ADGRD1: variants seen among roughly 807,000 people sequenced by gnomAD.
ADGRD1 encodes the protein adhesion G protein-coupled receptor D1.
A neutral mutation model predicts 113.4 loss-of-function variants in ADGRD1; 77 were observed. That is an observed-to-expected ratio of 0.68 (90% CI 0.57 to 0.82). The LOEUF (loss-of-function observed/expected upper bound fraction) is 0.82. Ranked by LOEUF, ADGRD1 falls within the 40% of genes least tolerant of loss-of-function variation. The probability of loss-of-function intolerance (pLI) is 0.00; values close to 1 mark genes in which losing one functional copy is unlikely to be tolerated. For missense variants in ADGRD1, 1,036 were observed against 1,139.1 expected (o/e 0.91, Z 1.30); for synonymous variants, 474 against 475.0 (o/e 1.00, Z 0.03).
At chr12:131,089,968 A>G (rs1046459839) in intron 15 of ADGRD1, among the ~76,000 whole-genome samples, 3 of 152,186 alleles carry the variant, frequency 2.0e-5, no homozygotes, top group Non-Finnish European at 4.4e-5. Flanking sequence ...GCATGGCCAG[A>G]GAGAGGGGGA....
intron 14 of ADGRD1, among the ~76,000 whole-genome samples, chr12:131,082,666 T>G (rs2137199916): frequency 6.6e-6 from 1 of 152,288 alleles, no homozygotes; most frequent in Non-Finnish European, 1.5e-5. Context: ...TGGTTTTTGC[T>G]GACTCCCTCC....
chr12:131,048,457 G>A (rs182010158), intron 13 of ADGRD1, among the ~76,000 whole-genome samples: 336 of 152,290 alleles, frequency 2.2e-3, no homozygotes, highest in African/African-American at 7.5e-3. Flanking sequence ...ATGTGCAGAG[G>A]GGCCTGCCCA....
At chr12:130,977,569 G>A (rs1872476637) in intron 4 of ADGRD1, 1 of 152,268 alleles carries the variant, frequency 6.6e-6, no homozygotes. Flanking sequence ...GTGCCAGAAC[G>A]GCCATCAGAC....
intron 12 of ADGRD1, among the ~76,000 whole-genome samples, chr12:131,008,306 G>A (rs375390138): frequency 1.0e-3 from 153 of 152,344 alleles, no homozygotes; most frequent in African/African-American, 3.5e-3. Context: ...GTTTATGTGC[G>A]CACATATGCC....
chr12:130,981,639 T>G (rs768116155), intron 4 of ADGRD1, among the ~76,000 whole-genome samples: 9 of 152,146 alleles, frequency 5.9e-5, no homozygotes, highest in Non-Finnish European at 8.8e-5. Flanking sequence ...TGAAGCAGGA[T>G]TTTTGTACTT....
At chr12:131,123,539 A>T (rs1235328151) in intron 20 of ADGRD1, among the ~76,000 whole-genome samples, 1 of 149,556 alleles carries the variant, frequency 6.7e-6, no homozygotes, top group Non-Finnish European at 1.5e-5. Flanking sequence ...TTCCAGGTTC[A>T]GGCTGGGCGC....
intron 2 of ADGRD1, among the ~76,000 whole-genome samples, chr12:130,963,414 C>A (rs1384522410): frequency 6.6e-6 from 1 of 151,918 alleles, no homozygotes; most frequent in Non-Finnish European, 1.5e-5. Flanking sequence ...ATCTCGCACT[C>A]AGCTTTTCGA....
chr12:131,014,212 A>G lies in ADGRD1; in HGVS notation c.1345A>G (p.Met449Val), dbSNP rs772423397. Residue 449 changes from methionine (M) to valine (V), a missense_variant, in exon 13 of 25, where the codon ATG becomes GTG. Met to Val is a conservative substitution (Grantham distance 21). Transcript: ENST00000261654. ...TCTCTTCCCAAGGATCGCGGAGGCC[A>G]TGCATCACCAGGACTGCCTGCTGTT... is the stretch of plus-strand genomic sequence containing the variant. ...WPAHTKIAEA[M>V]HHQDCLLFAT... The G allele has an allele frequency of 3.1e-6, 5 of 1,613,954 alleles. No homozygotes were observed. In the African/African-American group the frequency reaches 5.3e-5, roughly 17 times the overall value.
At chr12:131,092,534 G>A (rs1198362583) in intron 15 of ADGRD1, among the ~76,000 whole-genome samples, 1 of 151,934 alleles carries the variant, frequency 6.6e-6, no homozygotes, top group African/African-American at 2.4e-5. Context: ...GCCACGGTGC[G>A]CTCTTTCTTC....
At position 131,076,848 on chromosome 12, in the gene ADGRD1, C is replaced by T. The variant is rs199839839; in HGVS notation, c.1521C>T (p.Phe507=). The change falls in exon 14 of 25, where the codon TTC becomes TTT. Residue 507 remains phenylalanine (F), a synonymous_variant. Coordinates refer to ENST00000261654, the MANE Select transcript of ADGRD1 (RefSeq NM_198827.5). ...CCACCAACAGCAGCAACCGAGTCTT[C>T]GTGTACTGCGCCTTCCTGGACTTCA... ...SEATNSSNRV[F]VYCAFLDFSS... 54 of 1,614,114 alleles carry T rather than the reference C, an allele frequency of 3.3e-5. No individual in the cohort carries two copies. The highest frequency in any genetic ancestry group is 6.7e-5 in the East Asian group (3 of 44,876).
At chr12:131,118,756 C>G (rs1398409418) in intron 19 of ADGRD1, among the ~76,000 whole-genome samples, 1 of 152,220 alleles carries the variant, frequency 6.6e-6, no homozygotes, top group African/African-American at 2.4e-5. Context: ...TTCTCAGACA[C>G]AGTTCTGGTC....
chr12:131,042,380 C>T (rs1462138134), intron 13 of ADGRD1, among the ~76,000 whole-genome samples: 1 of 152,198 alleles, frequency 6.6e-6, no homozygotes, highest in African/African-American at 2.4e-5. Flanking sequence ...CGCGTTCTTG[C>T]TGCCCCGACA....
chr12:130,966,826 T>G lies in ADGRD1; in HGVS notation c.187+280T>G, dbSNP rs1871055181. 1 of 413,910 alleles carries G rather than the reference T, an allele frequency of 2.4e-6. No homozygotes were observed. The highest frequency in any genetic ancestry group is 4.6e-6 in the Non-Finnish European group (1 of 217,296). 25.6% of individuals were successfully genotyped at this position (413,910 alleles called of 1,614,324 possible). On this transcript the variant is annotated intron_variant, in intron 3 of 24. Coordinates refer to ENST00000261654, the MANE Select transcript of ADGRD1 (RefSeq NM_198827.5). The surrounding 1 kb of genome is among the most constrained non-coding windows in gnomAD (Gnocchi z 4.6). Reference sequence around the variant, plus strand: ...TTGTAGAGATGGGGTCTTGCTATGTTGCCAGGCTGGTCTCAAGCTCCTGGC... The same window carrying G: ...TTGTAGAGATGGGGTCTTGCTATGTGGCCAGGCTGGTCTCAAGCTCCTGGC...
intron 15 of ADGRD1, among the ~76,000 whole-genome samples, chr12:131,098,959 T>G (rs942833812): frequency 3.3e-5 from 5 of 152,152 alleles, no homozygotes; most frequent in African/African-American, 1.2e-4. Flanking sequence ...TGCCTCAGTG[T>G]CCTCATCTGT....
chr12:131,012,237 A>G (rs1395839652), intron 12 of ADGRD1, among the ~76,000 whole-genome samples: 2 of 151,706 alleles, frequency 1.3e-5, no homozygotes, highest in Non-Finnish European at 2.9e-5. Context: ...AATGAAAAAA[A>G]TGGTTGAGAC....
intron 13 of ADGRD1, among the ~76,000 whole-genome samples, chr12:131,017,515 CA>C (rs1319461718): frequency 6.6e-6 from 1 of 150,802 alleles, no homozygotes; most frequent in African/African-American, 2.4e-5. Context: ...CATCTACACC[CA>C]CCCAGCACAG....
intron 17 of ADGRD1, among the ~76,000 whole-genome samples, chr12:131,108,360 T>G (rs1399992481): frequency 1.3e-5 from 2 of 152,108 alleles, no homozygotes; most frequent in Non-Finnish European, 2.9e-5. Flanking sequence ...GGGAAACTCT[T>G]CCATAGTCCC....
At chr12:131,019,314 G>T (rs572964730) in intron 13 of ADGRD1, among the ~76,000 whole-genome samples, 1 of 152,266 alleles carries the variant, frequency 6.6e-6, no homozygotes, top group East Asian at 1.9e-4. Context: ...CTCACCCAGG[G>T]CTACGCAGGA....
intron 8 of ADGRD1, 81 bp downstream of exon 8, chr12:130,992,473 A>T: frequency 8.0e-7 from 1 of 1,250,308 alleles, no homozygotes. Flanking sequence ...TTTGACCTAG[A>T]TCGAGTTTAA....
Sources: allele counts gnomAD v4.1 joint callset (sites outside exome capture counted in the v4.1 genomes callset), GRCh38; gene constraint gnomAD v4.1.1; non-coding constraint Gnocchi (gnomAD v3.1); transcripts MANE v1.5; gene names NCBI Gene and HGNC (gene_info 2026-07-23, HGNC 2026-07-21).